Variants in MIPOL1 observed in about 807,000 individuals in gnomAD.
MIPOL1 encodes the protein mirror-image polydactyly 1.
MIPOL1 carries 57 observed loss-of-function variants against 60.9 expected under a neutral mutation model. That is an observed-to-expected ratio of 0.94 (90% confidence interval 0.76 to 1.17). MIPOL1 has a LOEUF of 1.17. Among genes scored for constraint, MIPOL1 ranks in the 50% most tolerant of loss-of-function variants. The probability of loss-of-function intolerance (pLI) is 0.00; values close to 1 mark genes in which losing one functional copy is unlikely to be tolerated. For missense variants in MIPOL1, 551 were observed against 511.6 expected, an observed-to-expected ratio of 1.08 and a Z score of -0.74; for synonymous variants, 179 against 168.8, an observed-to-expected ratio of 1.06 and a Z score of -0.47.
At chr14:37,285,083 G>T (rs2084438602) in intron 6 of MIPOL1, among the ~76,000 whole-genome samples, 1 of 152,124 alleles carries the variant, frequency 6.6e-6, no homozygotes, top group South Asian at 2.1e-4. Flanking sequence ...TACAACATTT[G>T]CTATTATCAG....
chr14:37,459,672 A>G (rs143754738), intron 11 of MIPOL1, among the ~76,000 whole-genome samples: 1 of 152,306 alleles, frequency 6.6e-6, no homozygotes, highest in Non-Finnish European at 1.5e-5. Context: ...CGTTCTATGA[A>G]ACCATCATCA....
In MIPOL1 at chr14:37,247,872, C is replaced by T; in HGVS notation, c.-17C>T. The T allele has an allele frequency of 6.2e-7, 1 of 1,612,548 alleles. No homozygotes were observed. The highest frequency in any genetic ancestry group is 2.2e-5 in the East Asian group (1 of 44,740). ...AAACCAGAGACATTGCCAGAGCAAA[C>T]AAGAACAGAAATACAAATGGAGAAC... On this transcript the variant is annotated 5_prime_UTR_variant, in exon 3 of 13. Transcript: ENST00000684589.
intron 9 of MIPOL1, among the ~76,000 whole-genome samples, chr14:37,328,675 C>T (rs918198252): frequency 1.3e-5 from 2 of 152,134 alleles, no homozygotes; most frequent in Non-Finnish European, 2.9e-5. Flanking sequence ...TGGAGTAGTG[C>T]TTGTCCCTGG....
chr14:37,376,510 C>T (rs952715657), intron 10 of MIPOL1, among the ~76,000 whole-genome samples: 2 of 151,584 alleles, frequency 1.3e-5, no homozygotes, highest in Non-Finnish European at 2.9e-5. Flanking sequence ...TTTTAAAGTG[C>T]TTAAAATATA....
At chr14:37,279,184 G>A (rs1327687531) in intron 6 of MIPOL1, among the ~76,000 whole-genome samples, 2 of 150,242 alleles carry the variant, frequency 1.3e-5, no homozygotes, top group East Asian at 3.9e-4. Flanking sequence ...ATTTATTCAA[G>A]TCAAAGAAAG....
At chr14:37,377,992 G>T (rs1356494476) in intron 10 of MIPOL1, among the ~76,000 whole-genome samples, 3 of 151,720 alleles carry the variant, frequency 2.0e-5, no homozygotes, top group African/African-American at 7.3e-5. Context: ...ATCATAATGA[G>T]ATATCATGTC....
At chr14:37,415,423 C>T (rs1030620155) in intron 10 of MIPOL1, among the ~76,000 whole-genome samples, 1 of 151,710 alleles carries the variant, frequency 6.6e-6, no homozygotes, top group African/African-American at 2.4e-5. Context: ...GAGATCGAGA[C>T]CATCCTGGCT....
At chr14:37,288,020 A>G (rs910596025) in intron 7 of MIPOL1, among the ~76,000 whole-genome samples, 1 of 152,234 alleles carries the variant, frequency 6.6e-6, no homozygotes, top group African/African-American at 2.4e-5. Flanking sequence ...TAAAATTAAT[A>G]TAAGTAGAGA....
At chr14:37,377,746 C>CTTTTT (rs370238755) in intron 10 of MIPOL1, among the ~76,000 whole-genome samples, 1 of 120,966 alleles carries the variant, frequency 8.3e-6, no homozygotes, top group Non-Finnish European at 1.6e-5. Flanking sequence ...ATTTTTATGC[C>CTTTTT]TTTTTTTTTT....
chr14:37,383,645 T>G (rs2092987803), intron 10 of MIPOL1, among the ~76,000 whole-genome samples: 1 of 151,898 alleles, frequency 6.6e-6, no homozygotes, highest in South Asian at 2.1e-4. Context: ...AGTTTTCAGA[T>G]AAGTACTTTA....
chr14:37,473,992 A>G (rs1936392257), intron 11 of MIPOL1, among the ~76,000 whole-genome samples: 1 of 152,150 alleles, frequency 6.6e-6, no homozygotes, highest in Non-Finnish European at 1.5e-5. Context: ...AGTTTATTCC[A>G]CAATGTCATA....
At position 37,268,674 on chromosome 14, in the gene MIPOL1, C is replaced by T; in HGVS notation, c.268C>T (p.His90Tyr). The T allele has an allele frequency of 6.3e-7, 1 of 1,593,108 alleles. No individual in the cohort carries two copies. The highest frequency in any genetic ancestry group is 8.5e-7 in the Non-Finnish European group (1 of 1,170,210). Reference sequence around the variant, plus strand: ...TTATTACAGCGTTATGGAACATAGACATAATGATATGCATTATGAATGTAT... The same window carrying T: ...TTATTACAGCGTTATGGAACATAGATATAATGATATGCATTATGAATGTAT... ...TEKYNVMEHR[H>Y]NDMHYECMTP... Residue 90 changes from histidine (H) to tyrosine (Y), a missense_variant, in exon 5 of 13, where the codon CAT becomes TAT. Coordinates refer to ENST00000684589, the MANE Select transcript of MIPOL1 (RefSeq NM_001388067.1).
intron 12 of MIPOL1, among the ~76,000 whole-genome samples, chr14:37,530,841 G>A (rs1351009882): frequency 7.3e-5 from 11 of 150,822 alleles, no homozygotes; most frequent in African/African-American, 2.7e-4. Context: ...TTTTTAAGAT[G>A]GAGTCTCACT....
intron 1 of MIPOL1, among the ~76,000 whole-genome samples, chr14:37,220,121 C>G (rs999251807): frequency 1.3e-5 from 2 of 151,926 alleles, no homozygotes; most frequent in Non-Finnish European, 2.9e-5. Flanking sequence ...CAAATGTGAC[C>G]TAAGATCCTT....
intron 7 of MIPOL1, among the ~76,000 whole-genome samples, chr14:37,285,737 G>A (rs1594905272): frequency 6.6e-6 from 1 of 151,658 alleles, no homozygotes; most frequent in African/African-American, 2.4e-5. Flanking sequence ...GACTACAGGC[G>A]CCTGCCACCA....
In MIPOL1 at chr14:37,359,204, G is replaced by A. The variant is rs142469129; in HGVS notation, c.829-10313G>A. Among the ~76,000 whole-genome samples, 266 of 152,192 alleles carry A rather than the reference G, an allele frequency of 1.7e-3. 1 individual carries two copies. Among genetic ancestry groups the A allele is most frequent in the African/African-American group, 5.9e-3 (247 of 41,524 alleles). The stretch of plus-strand genomic sequence containing the variant: ...TTCGATTGGTCTATATATCTGTTTC[G>A]GTACCAGTACCGTGCTGTTTTGGTT... On this transcript the variant is annotated intron_variant, in intron 9 of 12. Transcript: ENST00000684589.
chr14:37,530,028 G>A (rs540940568), intron 12 of MIPOL1, among the ~76,000 whole-genome samples: 1 of 152,148 alleles, frequency 6.6e-6, no homozygotes, highest in African/African-American at 2.4e-5. Flanking sequence ...AAATCAGGTT[G>A]GTGTTAGAGG....
chr14:37,252,774 G>A (rs1290554952), intron 3 of MIPOL1, among the ~76,000 whole-genome samples: 1 of 151,934 alleles, frequency 6.6e-6, no homozygotes, highest in Non-Finnish European at 1.5e-5. Context: ...CAATTTGTAA[G>A]TGTAGACACT....
At chr14:37,531,956 C>T (rs1356196169) in intron 12 of MIPOL1, among the ~76,000 whole-genome samples, 5 of 151,854 alleles carry the variant, frequency 3.3e-5, no homozygotes, top group African/African-American at 9.7e-5. Context: ...CCATGCCCGC[C>T]GTACATTACC....
Sources: gnomAD v4.1 joint callset for allele counts (sites outside exome capture counted in the v4.1 genomes callset) on GRCh38, gnomAD v4.1.1 for gene constraint, MANE v1.5 for transcripts, NCBI Gene and HGNC (gene_info 2026-07-23, HGNC 2026-07-21) for gene names.